Variants in ASMTL observed in about 807,000 individuals in gnomAD.
ASMTL encodes acetylserotonin O-methyltransferase like, also known as probable bifunctional dTTP/UTP pyrophosphatase/methyltransferase protein.
In ASMTL, 57 loss-of-function variants were observed where a neutral mutation model predicts 60.3. The ratio of observed to expected loss-of-function variants is 0.95; its 90% CI spans 0.76 to 1.18. ASMTL has a LOEUF of 1.18. ASMTL is among the 50% of genes most tolerant of loss of function. ASMTL has a pLI of 0.00. For synonymous variants in ASMTL, 419 were observed against 373.0 expected, an observed-to-expected ratio of 1.12 and a Z score of -1.42; for missense variants, 981 against 852.6, an observed-to-expected ratio of 1.15 and a Z score of -1.88.
rs1279735484 is a variant in ASMTL, at chrX:1,439,608, A to G, written c.226-464T>C. Among the ~76,000 whole-genome samples the G allele has an allele frequency of 7.8e-4, 119 of 152,272 alleles. 1 individual carries two copies. Among genetic ancestry groups the G allele is most frequent in the Non-Finnish European group, 1.5e-3 (104 of 68,010 alleles). On this transcript the variant is annotated intron_variant, in intron 2 of 12. Coordinates refer to ENST00000381317, the MANE Select transcript of ASMTL (RefSeq NM_004192.4). ...ACGCCTGTCATCCCAGCACTCTGGG[A>G]GGCCGAGGCGGGCGCATCTCCTGAG...
At chrX:1,423,083 G>C (rs2090522724) in intron 8 of ASMTL, among the ~76,000 whole-genome samples, 1 of 152,090 alleles carries the variant, frequency 6.6e-6, no homozygotes, top group South Asian at 2.1e-4. Context: ...CTCCCGAGTA[G>C]CTGGGACTAC....
intron 1 of ASMTL, among the ~76,000 whole-genome samples, chrX:1,443,668 T>C (rs1450868878): frequency 6.8e-6 from 1 of 146,656 alleles, no homozygotes; most frequent in Non-Finnish European, 1.5e-5. Flanking sequence ...CACACCGCCA[T>C]CATGGACACA....
Position 1,419,784 on chromosome X carries a change from G to A in ASMTL, c.1246-670C>T, listed in dbSNP as rs192100263. Among the ~76,000 whole-genome samples, 346 of 152,300 alleles carry A rather than the reference G, an allele frequency of 2.3e-3. 2 individuals carry two copies. The highest frequency in any genetic ancestry group is 8.0e-3 in the African/African-American group (332 of 41,574). On this transcript the variant is annotated intron_variant, in intron 9 of 12. Transcript: ENST00000381317. ...TCCCTAAATCTCGCGGGGGCTCCCCGGCCCTCCCCTGCGTGGGTGGCAATC... is the reference window on the plus strand; with the variant it reads ...TCCCTAAATCTCGCGGGGGCTCCCCAGCCCTCCCCTGCGTGGGTGGCAATC...
At chrX:1,413,074 G>C (rs1314519856) in intron 11 of ASMTL, 52 of 578,104 alleles carry the variant, frequency 9.0e-5, no homozygotes, top group Non-Finnish European at 1.6e-4. Context: ...GACTCGGGCT[G>C]AGAAAACGCT....
intron 9 of ASMTL, 91 bp from the exon 10 acceptor site, chrX:1,419,205 G>A: frequency 3.4e-6 from 5 of 1,477,400 alleles, no homozygotes; most frequent in Non-Finnish European, 4.6e-6. Flanking sequence ...GAAGTGCAGG[G>A]CTCCAGAGCG....
chrX:1,439,360 C>T (rs2091051416), intron 2 of ASMTL, among the ~76,000 whole-genome samples: 1 of 152,252 alleles, frequency 6.6e-6, no homozygotes, highest in South Asian at 2.1e-4. Context: ...GGCCGGGGCC[C>T]ACGGGGGCTG....
In ASMTL at chrX:1,418,033, C is replaced by T. The variant is rs5989854; in HGVS notation, c.1462G>A (p.Glu488Lys). ...GGGGGTTGGAAGTGGGCGGCCAGCT[C>T]GATAATGTCTGGGAGGTCAAACACA... The part of the protein sequence containing the change: ...VTVFDLPDII[E>K]LAAHFQPPGP... Residue 488 changes from glutamate (E) to lysine (K), a missense_variant, in exon 11 of 13, where the codon GAG (glutamate) becomes AAG (lysine). Transcript: ENST00000381317. 108 of 1,613,390 alleles carry T rather than the reference C, an allele frequency of 6.7e-5. No individual in the cohort carries two copies. Among genetic ancestry groups the T allele is most frequent in the Non-Finnish European group, 7.9e-5 (93 of 1,179,660 alleles).
Position 1,427,853 on chromosome X carries a change from C to A in ASMTL, c.778G>T (p.Ala260Ser). The stretch of plus-strand genomic sequence containing the variant: ...GCCTGTCCCGCCTCTCCCGCCTCGG[C>A]CTTCTCATCGCGGCTGCCCGCGTCC... ...QRDAGSRDEK[A>S]EAGEAGQATA... Residue 260 changes from alanine (A) to serine (S), a missense_variant, in exon 7 of 13, where the codon GCC becomes TCC. By Grantham distance (99) the Ala-to-Ser change is moderately conservative (BLOSUM62 1). Coordinates refer to ENST00000381317, the MANE Select transcript of ASMTL (RefSeq NM_004192.4). 2 of 1,613,408 alleles carry A rather than the reference C, an allele frequency of 1.2e-6. No individual in the cohort carries two copies. The highest frequency in any genetic ancestry group is 1.7e-6 in the Non-Finnish European group (2 of 1,179,872).
intron 5 of ASMTL, 84 bp downstream of exon 5, chrX:1,434,938 C>G: frequency 7.4e-6 from 11 of 1,495,694 alleles, no homozygotes; most frequent in Non-Finnish European, 1.0e-5. Context: ...CAACCGTCCT[C>G]CTCCCTCAAG....
rs868392976 is a variant in ASMTL, at chrX:1,416,053, G to A, written c.1522+1920C>T. Among the ~76,000 whole-genome samples, 457 of 141,842 alleles carry A rather than the reference G, an allele frequency of 3.2e-3. 4 individuals carry two copies. Among genetic ancestry groups the A allele is most frequent in the Middle Eastern group, 0.032 (7 of 218 alleles). The allele number at this position is 141,842 out of a possible 152,430, so 93.1% of individuals were successfully genotyped here. On this transcript the variant is annotated intron_variant, in intron 11 of 12. Transcript: ENST00000381317. ...CACAGATACAGTGACAGGCACACGCGCACAGAGACAGACATGCACAGATGG... is the reference window on the plus strand; with the variant it reads ...CACAGATACAGTGACAGGCACACGCACACAGAGACAGACATGCACAGATGG...
At chrX:1,453,337 A>T (rs1471160280), upstream of ASMTL, among the ~76,000 whole-genome samples, 1 of 134,124 alleles carries the variant, frequency 7.5e-6, no homozygotes, top group Non-Finnish European at 1.6e-5. Context: ...CCCAGGCCAC[A>T]CCCCCGCCCG....
At chrX:1,417,756 ATGCTCCATGT>A (rs57153144) in intron 11 of ASMTL, among the ~76,000 whole-genome samples, 95 of 79,048 alleles carry the variant, frequency 1.2e-3, no homozygotes, top group African/African-American at 3.0e-3. Context: ...ACGCACAGAC[ATGCTCCATGT>A]CACAGGTATG....
chrX:1,435,497 C>T (rs2090936935), intron 4 of ASMTL, 197 bp downstream of exon 4: 10 of 651,366 alleles, frequency 1.5e-5, no homozygotes, highest in Non-Finnish European at 2.8e-5. Context: ...ATCAGTGCTG[C>T]AGAATCCTAG....
rs767954525 is a variant in ASMTL at position 1,404,294 on chromosome X, G to A, written c.1646-805C>T. ...GGATGAGATGGATGGATGGATGGGTGAATAGATGGTAGATCATGGGTACAT... is the reference window on the plus strand; with the variant it reads ...GGATGAGATGGATGGATGGATGGGTAAATAGATGGTAGATCATGGGTACAT... On this transcript the variant is annotated intron_variant, in intron 12 of 12. Coordinates refer to ENST00000381317, the MANE Select transcript of ASMTL (RefSeq NM_004192.4). Among the ~76,000 whole-genome samples the A allele has an allele frequency of 8.0e-5, 12 of 150,596 alleles. No homozygotes were observed. The East Asian group carries it at 2.4e-3, about 30-fold the overall frequency.
chrX:1,404,684 G>GGGTA (rs1406764889), intron 12 of ASMTL, among the ~76,000 whole-genome samples: 27 of 9,264 alleles, frequency 2.9e-3, no homozygotes, highest in East Asian at 0.011. Flanking sequence ...GGTAGATGAT[G>GGGTA]GGTAGGTAGA....
At chrX:1,435,580 T>TCAGA (rs2090940476) in intron 4 of ASMTL, 114 bp downstream of exon 4, 1 of 997,830 alleles carries the variant, frequency 1.0e-6, no homozygotes, top group African/African-American at 1.6e-5. Context: ...ACAGCACAGC[T>TCAGA]CAGACGGCAG....
rs756782286 is a variant in ASMTL at position 1,418,153 on chromosome X, G to A, written c.1379-37C>T. The stretch of plus-strand genomic sequence containing the variant: ...CAAATGCATGCTCTGTGGCTGGGTC[G>A]TCTATGGAACTCTGACGACTCTCCA... On this transcript the variant is annotated intron_variant, in intron 10 of 12. Transcript: ENST00000381317. The A allele has an allele frequency of 1.3e-5, 21 of 1,559,920 alleles. No homozygotes were observed. In the Middle Eastern group the frequency reaches 9.7e-4, roughly 72 times the overall value.
At position 1,428,241 on chromosome X, in the gene ASMTL, G is replaced by A. The variant is rs1479345930; in HGVS notation, c.510-120C>T. 5 of 1,266,220 alleles carry A rather than the reference G, an allele frequency of 3.9e-6. No homozygotes were observed. The Admixed American group carries it at 1.3e-4, about 32-fold the overall frequency. 78.4% of individuals were successfully genotyped at this position (1,266,220 alleles called of 1,614,324 possible). A position where few individuals can be genotyped will look rare whatever the true frequency, so the allele number is the denominator to read the frequency against. On this transcript the variant is annotated intron_variant, in intron 6 of 12. Transcript: ENST00000381317. ...GAGGTCGGGAGATCGAGGCCATCCT[G>A]GCTAACACAGTGAAACCCTGTCTCT...
chrX:1,427,164 C>CA (rs1366029383), intron 7 of ASMTL, among the ~76,000 whole-genome samples: 1 of 150,838 alleles, frequency 6.6e-6, no homozygotes, highest in Non-Finnish European at 1.5e-5. Context: ...CACGTGGAGA[C>CA]AAAGGCAGAG....
Sources: gnomAD v4.1 joint callset for allele counts (sites outside exome capture counted in the v4.1 genomes callset) on GRCh38, gnomAD v4.1.1 for gene constraint, MANE v1.5 for transcripts, NCBI Gene and HGNC (gene_info 2026-07-23, HGNC 2026-07-21) for gene names.